Variants in PCCA observed in about 807,000 individuals in gnomAD.
PCCA encodes propionyl-CoA carboxylase alpha chain, mitochondrial.
A neutral mutation model predicts 101.3 loss-of-function variants in PCCA; 74 were observed. That is an observed-to-expected ratio of 0.73 (90% CI 0.61 to 0.89). The LOEUF (loss-of-function observed/expected upper bound fraction) is 0.89, where lower values mean the gene tolerates loss of function less well. Ranked by LOEUF, PCCA falls within the 40% of genes least tolerant of loss-of-function variation. PCCA has a pLI of 0.00. For missense variants in PCCA, 891 were observed against 907.0 expected (o/e 0.98, Z 0.23); for synonymous variants, 294 against 313.6 (o/e 0.94, Z 0.66).
chr13:100,235,873 A>G lies in PCCA; in HGVS notation c.632A>G (p.Glu211Gly), dbSNP rs779987128. ...DAEEAVRIAR[E>G]IGYPVMIKAS... Reference sequence around the variant, plus strand: ...GAAGAAGCTGTCAGAATTGCAAGGGAAATTGGTAAGTCCTTAAATTAACTT... The same window carrying G: ...GAAGAAGCTGTCAGAATTGCAAGGGGAATTGGTAAGTCCTTAAATTAACTT... The change falls in exon 8 of 24, where the codon GAA (glutamate) becomes GGA (glycine). Residue 211 changes from glutamate to glycine, a missense_variant. Glu to Gly is a moderately conservative substitution (Grantham distance 98). Coordinates refer to ENST00000376285, the MANE Select transcript of PCCA (RefSeq NM_000282.4). 7.4e-5 allele frequency: 118 copies of G among 1,601,376 alleles called. No homozygotes were observed. The highest frequency in any genetic ancestry group is 8.6e-7 in the Non-Finnish European group (1 of 1,168,588).
At chr13:100,384,165 A>G (rs886302327) in intron 19 of PCCA, among the ~76,000 whole-genome samples, 5 of 152,022 alleles carry the variant, frequency 3.3e-5, no homozygotes, top group Non-Finnish European at 7.4e-5. Context: ...AGCTGGGATT[A>G]CAGGCACGTG....
At chr13:100,095,961 CAGGAAGCTGTTGTAGA>C (rs891960121) in intron 1 of PCCA, among the ~76,000 whole-genome samples, 3 of 152,108 alleles carry the variant, frequency 2.0e-5, no homozygotes, top group Non-Finnish European at 2.9e-5. Flanking sequence ...AGAGACCCAT[CAGGAAGCTGTTGTAGA>C]AGACCAAGCT....
rs543475327 is a variant in PCCA, at chr13:100,368,053, A to G, written c.1644-419A>G. ...CATCATGAAGAAACATTCTATAAGT[A>G]GAATAATGTAGAGAGGTTCATTGTT... On this transcript the variant is annotated intron_variant, in intron 18 of 23. Coordinates refer to ENST00000376285, the MANE Select transcript of PCCA (RefSeq NM_000282.4). Among the ~76,000 whole-genome samples the G allele has an allele frequency of 2.6e-4, 40 of 152,320 alleles. 1 individual carries two copies. The highest frequency in any genetic ancestry group is 4.1e-4 in the South Asian group (2 of 4,828).
intron 21 of PCCA, among the ~76,000 whole-genome samples, chr13:100,504,157 T>C (rs775931318): frequency 6.6e-6 from 1 of 152,220 alleles, no homozygotes; most frequent in African/African-American, 2.4e-5. Flanking sequence ...ATAAGAGCTG[T>C]CAAATTTCAC....
intron 21 of PCCA, among the ~76,000 whole-genome samples, chr13:100,514,829 G>C (rs1427200916): frequency 6.6e-6 from 1 of 152,184 alleles, no homozygotes; most frequent in Non-Finnish European, 1.5e-5. Flanking sequence ...ACATCAGAAA[G>C]ACTACATAGT....
intron 21 of PCCA, among the ~76,000 whole-genome samples, chr13:100,513,102 C>T (rs1027799995): frequency 2.0e-5 from 3 of 152,218 alleles, no homozygotes; most frequent in Non-Finnish European, 2.9e-5. Context: ...GGCCCCATCC[C>T]GGCACGCGCC....
At chr13:100,345,702 C>G (rs1395380382) in intron 18 of PCCA, among the ~76,000 whole-genome samples, 1 of 152,048 alleles carries the variant, frequency 6.6e-6, no homozygotes, top group African/African-American at 2.4e-5. Flanking sequence ...AAAGAAGATG[C>G]CATCTCATAC....
intron 19 of PCCA, among the ~76,000 whole-genome samples, chr13:100,369,507 A>T (rs2075428873): frequency 6.6e-6 from 1 of 152,208 alleles, no homozygotes. Flanking sequence ...TAATTGTTGC[A>T]TGCCTACTGT....
chr13:100,263,005 AC>A (rs1358371414), intron 10 of PCCA, among the ~76,000 whole-genome samples, 174 bp downstream of exon 10: 3 of 152,054 alleles, frequency 2.0e-5, no homozygotes, highest in Non-Finnish European at 4.4e-5. Context: ...ACAAAAATCT[AC>A]CTCCAAAAAA....
At chr13:100,302,455 T>C (rs1946168819) in intron 13 of PCCA, among the ~76,000 whole-genome samples, 1 of 152,162 alleles carries the variant, frequency 6.6e-6, no homozygotes. Context: ...TATTTACAAA[T>C]GAAGTGCATA....
intron 4 of PCCA, among the ~76,000 whole-genome samples, chr13:100,122,599 C>T (rs1412587280): frequency 6.6e-6 from 1 of 152,096 alleles, no homozygotes; most frequent in Non-Finnish European, 1.5e-5. Flanking sequence ...AAGTTTCTAG[C>T]TTATTGGTAT....
intron 21 of PCCA, among the ~76,000 whole-genome samples, chr13:100,494,575 C>T (rs991442487): frequency 4.0e-5 from 6 of 151,472 alleles, no homozygotes; most frequent in South Asian, 2.1e-4. Context: ...CCCAGCTACT[C>T]GGGAGGCTGA....
chr13:100,421,706 A>G (rs371691742), intron 19 of PCCA, among the ~76,000 whole-genome samples: 4 of 151,228 alleles, frequency 2.6e-5, no homozygotes, highest in African/African-American at 7.3e-5. Flanking sequence ...TTTTTTTGAG[A>G]TGGAGTCCCG....
chr13:100,144,833 C>G (rs1030836662), intron 4 of PCCA, among the ~76,000 whole-genome samples: 5 of 152,128 alleles, frequency 3.3e-5, no homozygotes, highest in Non-Finnish European at 7.4e-5. Context: ...AAATGCTGGT[C>G]CTGGAAACAG....
chr13:100,363,662 T>C (rs569441933), intron 18 of PCCA, among the ~76,000 whole-genome samples: 126 of 152,330 alleles, frequency 8.3e-4, no homozygotes, highest in African/African-American at 3.0e-3. Flanking sequence ...GAAGCATTTC[T>C]TAATGATTCC....
At chr13:100,243,543 T>C (rs1417736231) in intron 8 of PCCA, among the ~76,000 whole-genome samples, 1 of 152,200 alleles carries the variant, frequency 6.6e-6, no homozygotes, top group Non-Finnish European at 1.5e-5. Context: ...ATAAATTCAG[T>C]ATATACTTGT....
intron 7 of PCCA, among the ~76,000 whole-genome samples, chr13:100,221,847 C>T (rs1053675628): frequency 2.0e-5 from 3 of 149,180 alleles, no homozygotes; most frequent in African/African-American, 5.0e-5. Context: ...AAGCAATTCT[C>T]CTGCCTCAGC....
At chr13:100,110,308 T>A (rs1466185220) in intron 2 of PCCA, among the ~76,000 whole-genome samples, 2 of 152,216 alleles carry the variant, frequency 1.3e-5, no homozygotes, top group African/African-American at 4.8e-5. Flanking sequence ...GTGTATTACA[T>A]CCAAATTACT....
chr13:100,442,527 C>T (rs2080452197), intron 20 of PCCA, among the ~76,000 whole-genome samples: 1 of 152,176 alleles, frequency 6.6e-6, no homozygotes, highest in Admixed American at 6.5e-5. Flanking sequence ...ATGAATCTAA[C>T]CTTTGTAGTG....
Sources: allele counts gnomAD v4.1 joint callset (sites outside exome capture counted in the v4.1 genomes callset), GRCh38; gene constraint gnomAD v4.1.1; transcripts MANE v1.5; gene names NCBI Gene and HGNC (gene_info 2026-07-23, HGNC 2026-07-21).